The following DAB1 variants were observed in gnomAD, a reference collection of about 807,000 sequenced individuals.
DAB1 encodes DAB adaptor protein 1.
Under a neutral mutation model 64.6 loss-of-function variants are expected in DAB1, and 15 were observed. The observed-to-expected ratio is 0.23, with a 90% CI of 0.16 to 0.36. The LOEUF is 0.36. Among genes scored for constraint, DAB1 ranks in the 10% least tolerant of loss-of-function variants. DAB1 has a pLI of 1.00. For missense variants in DAB1, 596 were observed against 706.7 expected (o/e 0.84, Z 1.78); for synonymous variants, 235 against 251.9 (o/e 0.93, Z 0.64).
intron 5 of DAB1, among the ~76,000 whole-genome samples, chr1:57,901,257 C>T (rs1569952345): frequency 6.6e-6 from 1 of 152,082 alleles, no homozygotes; most frequent in African/African-American, 2.4e-5. Flanking sequence ...TCATGAGCGC[C>T]TTCCATTCCC....
intron 6 of DAB1, among the ~76,000 whole-genome samples, chr1:57,774,075 T>A (rs536520906): frequency 2.6e-5 from 4 of 152,034 alleles, no homozygotes; most frequent in Non-Finnish European, 4.4e-5. Context: ...CCTTGAATCA[T>A]GAGTTAATCT....
At chr1:57,895,197 T>G (rs556720164) in intron 5 of DAB1, among the ~76,000 whole-genome samples, 18 of 152,258 alleles carry the variant, frequency 1.2e-4, no homozygotes, top group Non-Finnish European at 1.8e-4. Flanking sequence ...TGGCCAACAC[T>G]TATGTAGCGC....
intron 1 of DAB1, among the ~76,000 whole-genome samples, chr1:57,315,081 C>A (rs915647290): frequency 6.6e-6 from 1 of 152,052 alleles, no homozygotes; most frequent in Non-Finnish European, 1.5e-5. Flanking sequence ...TGCCCACCAC[C>A]CCACTTCTTC....
chr1:57,413,079 C>G (rs1684234726), intron 1 of DAB1, among the ~76,000 whole-genome samples: 1 of 152,186 alleles, frequency 6.6e-6, no homozygotes, highest in African/African-American at 2.4e-5. Flanking sequence ...GAAATCTACT[C>G]TGCCTGTACT....
chr1:58,063,724 T>A (rs1251266943), intron 5 of DAB1, among the ~76,000 whole-genome samples: 1 of 152,184 alleles, frequency 6.6e-6, no homozygotes, highest in Non-Finnish European at 1.5e-5. Flanking sequence ...TCTTGCCTAG[T>A]CCACAATTTA....
intron 4 of DAB1, among the ~76,000 whole-genome samples, chr1:58,275,548 T>C (rs78311963): frequency 6.6e-6 from 1 of 152,088 alleles, no homozygotes; most frequent in Admixed American, 6.5e-5. Context: ...AAATGTCTAA[T>C]AAAAATATGT....
intron 4 of DAB1, among the ~76,000 whole-genome samples, chr1:57,088,110 GC>G: frequency 6.6e-6 from 1 of 152,210 alleles, no homozygotes; most frequent in East Asian, 1.9e-4. Context: ...TGCTCTTGTT[GC>G]CCAGGCTGGA....
At chr1:58,051,999 G>T (rs1318792013) in intron 5 of DAB1, among the ~76,000 whole-genome samples, 1 of 152,126 alleles carries the variant, frequency 6.6e-6, no homozygotes. Context: ...TAGGTTGCCT[G>T]TTCACTCTGA....
intron 3 of DAB1, among the ~76,000 whole-genome samples, chr1:58,457,478 C>G (rs914749110): frequency 1.3e-5 from 2 of 152,232 alleles, no homozygotes; most frequent in South Asian, 4.1e-4. Flanking sequence ...ACCTCCTGCC[C>G]TTGCTGAACT....
intron 1 of DAB1, among the ~76,000 whole-genome samples, chr1:57,413,338 C>A (rs747882500): frequency 6.6e-6 from 1 of 152,192 alleles, no homozygotes; most frequent in Non-Finnish European, 1.5e-5. Flanking sequence ...GTAATTCTGA[C>A]TTTCAAGTCT....
At chr1:57,468,342 G>T (rs969020500) in intron 7 of DAB1, among the ~76,000 whole-genome samples, 3 of 152,122 alleles carry the variant, frequency 2.0e-5, no homozygotes, top group African/African-American at 7.2e-5. Context: ...TTTTATGAGA[G>T]TTCCTTGTGG....
intron 1 of DAB1, among the ~76,000 whole-genome samples, chr1:57,325,217 T>C (rs1156595550): frequency 6.6e-6 from 1 of 152,216 alleles, no homozygotes; most frequent in African/African-American, 2.4e-5. Flanking sequence ...GCAGCTCCCA[T>C]TCCCTTGGCA....
intron 2 of DAB1, among the ~76,000 whole-genome samples, chr1:57,199,864 T>G (rs1664944565): frequency 1.3e-5 from 2 of 152,240 alleles, no homozygotes; most frequent in Middle Eastern, 3.4e-3. Flanking sequence ...ACAAATGCAC[T>G]TGGAAAGTAT....
chr1:57,631,159 C>A (rs1289693168), intron 7 of DAB1, among the ~76,000 whole-genome samples: 1 of 152,048 alleles, frequency 6.6e-6, no homozygotes, highest in African/African-American at 2.4e-5. Context: ...CAATACAAAA[C>A]CTGTGTATAG....
At chr1:57,422,368 T>G (rs1684983753) in intron 1 of DAB1, among the ~76,000 whole-genome samples, 1 of 152,022 alleles carries the variant, frequency 6.6e-6, no homozygotes, top group South Asian at 2.1e-4. Flanking sequence ...GCAGGAGGGC[T>G]CGCCCCCGGG....
At chr1:58,164,281 C>A (rs1194410402) in intron 4 of DAB1, among the ~76,000 whole-genome samples, 1 of 150,648 alleles carries the variant, frequency 6.6e-6, no homozygotes, top group Non-Finnish European at 1.5e-5. Flanking sequence ...TAAGGCTTTA[C>A]ATCACATCTC....
chr1:57,445,206 G>T (rs1195897570), intron 7 of DAB1, among the ~76,000 whole-genome samples: 2 of 151,488 alleles, frequency 1.3e-5, no homozygotes, highest in African/African-American at 4.9e-5. Flanking sequence ...TACTGAAATG[G>T]GACTCATCTT....
chr1:57,194,151 T>C (rs1664415620), intron 2 of DAB1, among the ~76,000 whole-genome samples: 1 of 152,228 alleles, frequency 6.6e-6, no homozygotes, highest in Admixed American at 6.5e-5. Flanking sequence ...TCTGGAGGGC[T>C]TGTTAAAGAA....
intron 4 of DAB1, among the ~76,000 whole-genome samples, chr1:58,226,325 T>G (rs1659479946): frequency 1.3e-5 from 2 of 152,052 alleles, no homozygotes; most frequent in Admixed American, 1.3e-4. Context: ...AAAAAGTGCT[T>G]TCGCATGTTA....
Sources: gnomAD v4.1 joint callset for allele counts (sites outside exome capture counted in the v4.1 genomes callset) on GRCh38, gnomAD v4.1.1 for gene constraint, MANE v1.5 for transcripts, NCBI Gene and HGNC (gene_info 2026-07-23, HGNC 2026-07-21) for gene names.